UIMC1: variants seen among roughly 807,000 people sequenced by gnomAD.
UIMC1 encodes BRCA1-A complex subunit RAP80.
UIMC1 carries 42 observed loss-of-function variants against 84.9 expected under a neutral mutation model. That is an observed-to-expected ratio of 0.49 (90% CI 0.39 to 0.64). The LOEUF is 0.64. Among genes scored for constraint, UIMC1 ranks in the 30% least tolerant of loss-of-function variants. UIMC1 has a pLI of 0.00. For synonymous variants in UIMC1, 281 were observed against 293.0 expected (o/e 0.96, Z 0.42); for missense variants, 825 against 847.6 (o/e 0.97, Z 0.33).
At chr5:176,909,650 T>G (rs531166037) in intron 11 of UIMC1, among the ~76,000 whole-genome samples, 1 of 152,344 alleles carries the variant, frequency 6.6e-6, no homozygotes, top group African/African-American at 2.4e-5. Context: ...TAAGGAAGAC[T>G]TTTTCTGAAG....
At chr5:176,953,397 T>C (rs974828629) in intron 8 of UIMC1, among the ~76,000 whole-genome samples, 2 of 152,140 alleles carry the variant, frequency 1.3e-5, no homozygotes, top group Non-Finnish European at 1.5e-5. Context: ...ATCTGCAAGT[T>C]TCTAATGTAT....
At chr5:176,914,739 C>A (rs192869284) in intron 10 of UIMC1, among the ~76,000 whole-genome samples, 8 of 152,112 alleles carry the variant, frequency 5.3e-5, no homozygotes, top group Non-Finnish European at 1.2e-4. Flanking sequence ...AAACTAGAAG[C>A]GGGGAATCAG....
intron 1 of UIMC1, among the ~76,000 whole-genome samples, chr5:177,012,410 C>T (rs1349425169): frequency 6.6e-6 from 1 of 152,182 alleles, no homozygotes; most frequent in African/African-American, 2.4e-5. Flanking sequence ...TCGAAACTGA[C>T]TTCAGGGCCA....
At position 176,982,484 on chromosome 5, in the gene UIMC1, G is replaced by C. The variant is rs758431153; in HGVS notation, c.132C>G (p.Ser44=). The change falls in exon 2 of 15, where the codon TCC becomes TCG. Residue 44 remains serine (S), a synonymous_variant. Coordinates refer to ENST00000511320, the MANE Select transcript of UIMC1 (RefSeq NM_001199298.2). ...CTTCACTAACCTCTCCATCACTATC[G>C]GATATCACAATGAATGCATCCTCAA... ...RRLEDAFIVI[S]DSDGEEPKEE... is the part of the protein sequence containing the mutation. 1 of 1,613,510 alleles carries C rather than the reference G, an allele frequency of 6.2e-7. No homozygotes were observed. Among genetic ancestry groups the C allele is most frequent in the South Asian group, 1.1e-5 (1 of 90,986 alleles).
intron 2 of UIMC1, among the ~76,000 whole-genome samples, chr5:176,977,961 A>G (rs181330): frequency 0.43 from 64,568 of 151,808 alleles, 13,949 homozygotes; most frequent in East Asian, 0.48. Context: ...AAAACAAAAA[A>G]CAAACGTCTT....
chr5:176,960,064 T>C (rs1276901058), intron 6 of UIMC1, among the ~76,000 whole-genome samples: 1 of 152,242 alleles, frequency 6.6e-6, no homozygotes, highest in African/African-American at 2.4e-5. Context: ...TTCTATTCAG[T>C]GCCAGGCCTG....
intron 6 of UIMC1, among the ~76,000 whole-genome samples, chr5:176,965,291 C>A (rs985889807): frequency 1.3e-5 from 2 of 151,720 alleles, no homozygotes; most frequent in Non-Finnish European, 2.9e-5. Flanking sequence ...GGTGTGGTGG[C>A]GGGCACCTGT....
intron 9 of UIMC1, among the ~76,000 whole-genome samples, chr5:176,950,594 G>A (rs1394742763): frequency 6.6e-6 from 1 of 151,920 alleles, no homozygotes; most frequent in Non-Finnish European, 1.5e-5. Flanking sequence ...TGAGGACCGG[G>A]CGCGGTGGCT....
chr5:177,016,849 C>G (rs1016293324), intron 1 of UIMC1, among the ~76,000 whole-genome samples: 1 of 151,956 alleles, frequency 6.6e-6, no homozygotes, highest in Admixed American at 6.6e-5. Flanking sequence ...ATGGTAAAAC[C>G]CCGTCTCTAC....
intron 1 of UIMC1, chr5:177,001,373 T>C (rs1053811636): frequency 2.6e-5 from 4 of 152,144 alleles, no homozygotes; most frequent in African/African-American, 9.7e-5. Flanking sequence ...GTTTTTTGAA[T>C]AACTAGTGAA....
intron 1 of UIMC1, among the ~76,000 whole-genome samples, chr5:177,002,425 C>T: frequency 6.6e-6 from 1 of 152,226 alleles, no homozygotes. Context: ...GTGGTACTTA[C>T]ACGGGTGTAC....
chr5:176,992,981 T>C (rs374528015), intron 1 of UIMC1, among the ~76,000 whole-genome samples: 73 of 149,544 alleles, frequency 4.9e-4, no homozygotes, highest in African/African-American at 1.7e-3. Flanking sequence ...AGATCAGGAG[T>C]TGGAGACCAG....
intron 6 of UIMC1, among the ~76,000 whole-genome samples, chr5:176,963,869 ATCCGGACTG>A: frequency 6.6e-6 from 1 of 152,098 alleles, no homozygotes; most frequent in Non-Finnish European, 1.5e-5. Context: ...AAATTCCAAT[ATCCGGACTG>A]AAAAATTAAG....
intron 10 of UIMC1, among the ~76,000 whole-genome samples, chr5:176,939,859 G>C (rs367656651): frequency 5.5e-4 from 83 of 152,222 alleles, no homozygotes; most frequent in Middle Eastern, 6.8e-3. Flanking sequence ...TGGGGTATTC[G>C]CATCAAAGCT....
intron 6 of UIMC1, among the ~76,000 whole-genome samples, chr5:176,968,304 G>A (rs769335776): frequency 6.6e-6 from 1 of 151,846 alleles, no homozygotes; most frequent in Non-Finnish European, 1.5e-5. Flanking sequence ...CCCGGGAGGT[G>A]GAGATTGCAG....
intron 1 of UIMC1, among the ~76,000 whole-genome samples, chr5:177,016,994 G>T (rs1775687880): frequency 6.6e-6 from 1 of 152,220 alleles, no homozygotes; most frequent in Non-Finnish European, 1.5e-5. Context: ...TTGCACTCCA[G>T]CCTGGGTGAC....
At chr5:176,982,978 C>T (rs987093704) in intron 1 of UIMC1, among the ~76,000 whole-genome samples, 1 of 152,114 alleles carries the variant, frequency 6.6e-6, no homozygotes, top group Non-Finnish European at 1.5e-5. Flanking sequence ...AGATTACAGA[C>T]ATGAGCCACC....
intron 1 of UIMC1, among the ~76,000 whole-genome samples, chr5:177,020,274 CA>C (rs1775759696): frequency 6.6e-6 from 1 of 152,154 alleles, no homozygotes; most frequent in Non-Finnish European, 1.5e-5. Flanking sequence ...CACTCTTGCC[CA>C]GCTCTTTGCA....
chr5:176,997,684 C>CAAAAA (rs11327766), intron 1 of UIMC1, among the ~76,000 whole-genome samples: 2 of 102,928 alleles, frequency 1.9e-5, no homozygotes, highest in African/African-American at 3.2e-5. Flanking sequence ...GACTCTGTCT[C>CAAAAA]AAAAAAAAAA....
Sources: allele counts gnomAD v4.1 joint callset (sites outside exome capture counted in the v4.1 genomes callset), GRCh38; gene constraint gnomAD v4.1.1; transcripts MANE v1.5; gene names NCBI Gene and HGNC (gene_info 2026-07-23, HGNC 2026-07-21).